The following TENM1 variants were observed in gnomAD, a reference collection of about 807,000 sequenced individuals.
TENM1 encodes the protein teneurin-1.
Under a neutral mutation model 174.8 loss-of-function variants are expected in TENM1, and 35 were observed. The observed-to-expected ratio is 0.20, with a 90% CI of 0.15 to 0.27. The LOEUF (loss-of-function observed/expected upper bound fraction) is 0.27, where lower values mean the gene tolerates loss of function less well. Ranked by LOEUF, TENM1 falls within the 10% of genes least tolerant of loss-of-function variation. The pLI, the probability that TENM1 is intolerant of heterozygous loss-of-function variation, is 1.00. For missense variants in TENM1, 1,633 were observed against 2,130.1 expected (o/e 0.77, Z 4.59); for synonymous variants, 781 against 798.7 (o/e 0.98, Z 0.37).
intron 1 of TENM1, among the ~76,000 whole-genome samples, chrX:124,910,720 G>A (rs1212892803): frequency 4.5e-5 from 5 of 110,984 alleles, no homozygotes; most frequent in Non-Finnish European, 9.4e-5. Flanking sequence ...CCCATATTCA[G>A]CATCAATTAC....
the TENM1 span, among the ~76,000 whole-genome samples, chrX:125,129,443 T>C: frequency 8.9e-6 from 1 of 112,214 alleles, no homozygotes; most frequent in African/African-American, 3.2e-5. Flanking sequence ...CTCAAACATT[T>C]ATTATTTTTG....
intron 18 of TENM1, among the ~76,000 whole-genome samples, chrX:124,511,783 C>T (rs763816275): frequency 4.5e-5 from 5 of 112,005 alleles, no homozygotes; most frequent in African/African-American, 9.7e-5. Flanking sequence ...AATTTATGAA[C>T]GCTAAAGCAT....
intron 1 of TENM1, among the ~76,000 whole-genome samples, chrX:124,955,172 T>C (rs1463077717): frequency 9.0e-6 from 1 of 111,649 alleles, no homozygotes; most frequent in Non-Finnish European, 1.9e-5. Flanking sequence ...TCTAATATTA[T>C]TGAATATTAT....
chrX:125,148,714 G>C, the TENM1 span, among the ~76,000 whole-genome samples: 1 of 111,295 alleles, frequency 9.0e-6, no homozygotes, highest in African/African-American at 3.3e-5. Flanking sequence ...GTTCCTGTTC[G>C]TAGTGGCTGG....
At chrX:124,643,629 C>A (rs745694088) in intron 10 of TENM1, among the ~76,000 whole-genome samples, 30 of 111,658 alleles carry the variant, frequency 2.7e-4, no homozygotes, top group African/African-American at 9.1e-4. Context: ...CATTCAGAGG[C>A]CTGGTTCAGC....
chrX:124,425,075 T>G (rs1244011001), intron 23 of TENM1, among the ~76,000 whole-genome samples: 1 of 111,709 alleles, frequency 9.0e-6, no homozygotes, highest in African/African-American at 3.3e-5. Context: ...TGACAGAATT[T>G]TGTTCTTTTT....
chrX:124,650,883 T>C (rs2051288965), intron 8 of TENM1, among the ~76,000 whole-genome samples: 1 of 112,188 alleles, frequency 8.9e-6, no homozygotes, highest in African/African-American at 3.2e-5. Context: ...ATTGACTTTC[T>C]GATTACTTTA....
the TENM1 span, among the ~76,000 whole-genome samples, chrX:125,142,288 C>T: frequency 1.8e-5 from 2 of 111,329 alleles, no homozygotes; most frequent in Non-Finnish European, 3.8e-5. Flanking sequence ...TAGCTGACAC[C>T]CCAATTTTGA....
At chrX:125,027,715 G>A in the TENM1 span, among the ~76,000 whole-genome samples, 4 of 106,472 alleles carry the variant, frequency 3.8e-5, no homozygotes, top group Non-Finnish European at 1.9e-5. Flanking sequence ...CCGGGTTCAA[G>A]TGATTCTCCT....
the TENM1 span, among the ~76,000 whole-genome samples, chrX:125,006,000 C>T: frequency 9.0e-6 from 1 of 111,503 alleles, no homozygotes; most frequent in Non-Finnish European, 1.9e-5. Flanking sequence ...GCTCCTGGAA[C>T]TCCAGTGAGA....
chrX:124,815,824 A>G (rs2055883411), intron 3 of TENM1, among the ~76,000 whole-genome samples: 1 of 111,662 alleles, frequency 9.0e-6, no homozygotes, highest in Non-Finnish European at 1.9e-5. Context: ...ATTTATTTAA[A>G]TATTAGATAG....
intron 4 of TENM1, among the ~76,000 whole-genome samples, chrX:124,712,332 T>C (rs1472240969): frequency 9.0e-6 from 1 of 111,333 alleles, no homozygotes; most frequent in Non-Finnish European, 1.9e-5. Flanking sequence ...TTCCAATTTC[T>C]CCACATCCTC....
chrX:124,547,104 C>A lies in TENM1; in HGVS notation c.2435-14G>T, dbSNP rs772408482. The A allele has an allele frequency of 5.2e-6, 6 of 1,156,887 alleles. No homozygotes were observed. Among genetic ancestry groups the A allele is most frequent in the Non-Finnish European group, 7.0e-6 (6 of 851,093 alleles). On this transcript the variant is annotated splice_polypyrimidine_tract_variant and intron_variant, in intron 14 of 31. Transcript: ENST00000422452. ...CGGTTAAACCATCTGGAAATAAAAC[C>A]CAAAACCAATATTGATTATTTAGCT... is the stretch of plus-strand genomic sequence containing the variant.
At chrX:124,994,212 C>T in the TENM1 span, among the ~76,000 whole-genome samples, 1 of 89,389 alleles carries the variant, frequency 1.1e-5, no homozygotes, top group Non-Finnish European at 2.2e-5. Context: ...ATTTAATTGA[C>T]TGACTTTTTT....
chrX:124,625,576 G>A (rs540873025), intron 11 of TENM1, among the ~76,000 whole-genome samples: 3 of 111,371 alleles, frequency 2.7e-5, no homozygotes, highest in Non-Finnish European at 5.6e-5. Context: ...AACAAAAGAG[G>A]TTGAATTAGC....
At chrX:124,957,000 G>A (rs969981042) in intron 1 of TENM1, among the ~76,000 whole-genome samples, 2 of 112,302 alleles carry the variant, frequency 1.8e-5, no homozygotes, top group African/African-American at 6.5e-5. Context: ...CTGCACAGGT[G>A]GCAGTGCTGC....
intron 6 of TENM1, among the ~76,000 whole-genome samples, chrX:124,671,313 T>C (rs1023107699): frequency 9.0e-6 from 1 of 111,677 alleles, no homozygotes; most frequent in Non-Finnish European, 1.9e-5. Flanking sequence ...AATTTCCATA[T>C]ACCCTTTGTA....
At chrX:124,640,961 C>CAAA (rs59598996) in intron 11 of TENM1, among the ~76,000 whole-genome samples, 2 of 57,737 alleles carry the variant, frequency 3.5e-5, no homozygotes, top group Admixed American at 2.3e-4. Context: ...AATCCATCTC[C>CAAA]AAAAAAAAAA....
At chrX:124,567,184 C>T (rs1300609183) in intron 11 of TENM1, among the ~76,000 whole-genome samples, 1 of 111,685 alleles carries the variant, frequency 9.0e-6, no homozygotes, top group East Asian at 2.8e-4. Flanking sequence ...GTCAGTGCAA[C>T]CAGCAGAATA....
Sources: gnomAD v4.1 joint callset for allele counts (sites outside exome capture counted in the v4.1 genomes callset) on GRCh38, gnomAD v4.1.1 for gene constraint, MANE v1.5 for transcripts, NCBI Gene and HGNC (gene_info 2026-07-23, HGNC 2026-07-21) for gene names.